The following RPAP1 variants were observed in gnomAD, a reference collection of about 807,000 sequenced individuals.
RPAP1 encodes RNA polymerase II-associated protein 1.
RPAP1 carries 109 observed loss-of-function variants against 142.4 expected under a neutral mutation model. That is an observed-to-expected ratio of 0.77 (90% confidence interval 0.66 to 0.90). The LOEUF is 0.90. RPAP1 is among the 40% of genes least tolerant of loss of function. The pLI, the probability that RPAP1 is intolerant of heterozygous loss-of-function variation, is 0.00. For synonymous variants in RPAP1, 704 were observed against 738.9 expected, an observed-to-expected ratio of 0.95 and a Z score of 0.77; for missense variants, 1,546 against 1,751.7, an observed-to-expected ratio of 0.88 and a Z score of 2.10.
At chr15:41,528,101 C>T (rs908933558) in intron 10 of RPAP1, 74 bp from the exon 11 acceptor site, 2 of 1,559,700 alleles carry the variant, frequency 1.3e-6, no homozygotes, top group African/African-American at 2.7e-5. Context: ...CCTTCGTTTG[C>T]CCCCCTATGA....
intron 8 of RPAP1, 142 bp from the exon 9 acceptor site, chr15:41,529,710 GC>G: frequency 1.2e-6 from 1 of 837,300 alleles, no homozygotes. Context: ...GGCCTTGGGG[GC>G]CAGGCAGAGT....
At chr15:41,523,626 A>G in intron 17 of RPAP1, 145 bp downstream of exon 17, 1 of 811,890 alleles carries the variant, frequency 1.2e-6, no homozygotes, top group East Asian at 2.7e-5. Context: ...GGAGGTAGAA[A>G]GAGGAGGAAG....
chr15:41,528,413 GA>G (rs2051817121), intron 9 of RPAP1, 77 bp from the exon 10 acceptor site: 1 of 988,258 alleles, frequency 1.0e-6, no homozygotes, highest in Non-Finnish European at 1.6e-6. Flanking sequence ...GGTATCACAG[GA>G]AAGACAAAGA....
In RPAP1 at chr15:41,518,043, A is replaced by C; in HGVS notation, c.3935T>G (p.Val1312Gly). ...PVLYAVAVAH[V>G]NSFIFSQDPQ... ...GTCCTGAGAGAAGATGAAGCTATTG[A>C]CATGAGCCACAGCCACAGCATAGAG... The change falls in exon 23 of 25, where the codon GTC (valine) becomes GGC (glycine). Residue 1312 changes from valine to glycine, a missense_variant. Around this residue, in one of 3 missense-constraint regions of RPAP1, gnomAD observed 210 missense variants for 248.0 expected, o/e 0.85. Coordinates refer to ENST00000304330, the MANE Select transcript of RPAP1 (RefSeq NM_015540.4). 1 of 1,614,054 alleles carries C rather than the reference A, an allele frequency of 6.2e-7. No homozygotes were observed. Among genetic ancestry groups the C allele is most frequent in the Non-Finnish European group, 8.5e-7 (1 of 1,179,980 alleles).
At position 41,524,383 on chromosome 15, in the gene RPAP1, G is replaced by A. The variant is rs2051766923; in HGVS notation, c.2076-129C>T. 3 of 709,930 alleles carry A rather than the reference G, an allele frequency of 4.2e-6. No homozygotes were observed. In the African/African-American group the frequency reaches 5.3e-5, roughly 13 times the overall value. The allele number at this position is 709,930 out of a possible 1,614,324, so 44.0% of individuals were successfully genotyped here. ...TGAGGAGGAAGAGTGGGGCACTCTT[G>A]GAAGGCTCAGCCCTAAAGAATGGAA... On this transcript the variant is annotated intron_variant, in intron 15 of 24. Coordinates refer to ENST00000304330, the MANE Select transcript of RPAP1 (RefSeq NM_015540.4).
Position 41,521,682 on chromosome 15 carries a change from A to G in RPAP1, c.3038+56T>C, listed in dbSNP as rs190227921. 30 of 1,590,050 alleles carry G rather than the reference A, an allele frequency of 1.9e-5. No individual in the cohort carries two copies. The Admixed American group carries it at 5.3e-4, about 28-fold the overall frequency. ...GCTCCAAATTCAGGGCTGCTCTGTTAACAACTGCAGCAGCGTCCAAAAGGG... is the reference window on the plus strand; with the variant it reads ...GCTCCAAATTCAGGGCTGCTCTGTTGACAACTGCAGCAGCGTCCAAAAGGG... On this transcript the variant is annotated intron_variant, in intron 21 of 24. Transcript: ENST00000304330.
Position 41,536,334 on chromosome 15 carries a change from C to T in RPAP1, c.331-116G>A. On this transcript the variant is annotated intron_variant, in intron 3 of 24. Coordinates refer to ENST00000304330, the MANE Select transcript of RPAP1 (RefSeq NM_015540.4). Reference sequence around the variant, plus strand: ...AACCTCACTCTGGGGGGTTACGGACCCTCCTCCCTTCAGGGCAGTGATTCT... The same window carrying T: ...AACCTCACTCTGGGGGGTTACGGACTCTCCTCCCTTCAGGGCAGTGATTCT... 3 of 1,308,070 alleles carry T rather than the reference C, an allele frequency of 2.3e-6. 1 individual carries two copies. In the South Asian group the frequency reaches 3.9e-5, roughly 17 times the overall value. 81.0% of individuals were successfully genotyped at this position (1,308,070 alleles called of 1,614,324 possible). A position where few individuals can be genotyped will look rare whatever the true frequency, so the allele number is the denominator to read the frequency against.
chr15:41,534,639 C>T, intron 6 of RPAP1, 75 bp downstream of exon 6: 3 of 627,854 alleles, frequency 4.8e-6, no homozygotes, highest in Middle Eastern at 9.2e-4. Context: ...GTGCCCGGAA[C>T]TCACAGTAAG....
intron 2 of RPAP1, 34 bp from the exon 3 acceptor site, chr15:41,536,683 G>A: frequency 6.2e-7 from 1 of 1,606,330 alleles, no homozygotes; most frequent in Non-Finnish European, 8.5e-7. Context: ...GTGAGTATAT[G>A]CACACCTTCC....
intron 9 of RPAP1, 59 bp downstream of exon 9, chr15:41,529,411 A>T (rs2051825778): frequency 8.8e-7 from 1 of 1,131,608 alleles, no homozygotes; most frequent in Non-Finnish European, 1.3e-6. Context: ...TTGACCAGAG[A>T]TCCTTTTCCA....
At chr15:41,529,436 G>C (rs760298358) in intron 9 of RPAP1, 34 bp downstream of exon 9, 55 of 1,425,068 alleles carry the variant, frequency 3.9e-5, no homozygotes, top group South Asian at 7.1e-5. Context: ...GTTGTTAAAA[G>C]AGCTGCCCCA....
At position 41,529,883 on chromosome 15, in the gene RPAP1, C is replaced by T. The variant is rs760094001; in HGVS notation, c.1040G>A (p.Arg347Gln). Residue 347 changes from arginine (R) to glutamine (Q), a missense_variant, in exon 8 of 25, where the codon CGG becomes CAG. By Grantham distance (43) the Arg-to-Gln change is conservative. This residue lies in a region of RPAP1 where 1,333 missense variants were observed against 1,486.6 expected (regional missense o/e 0.90). Coordinates refer to ENST00000304330, the MANE Select transcript of RPAP1 (RefSeq NM_015540.4). Reference sequence around the variant, plus strand: ...CCTCACCTCCTGTGTCTGCTGCCGCCGGACAGGGGGCAAGTCCTGGGTCCA... The same window carrying T: ...CCTCACCTCCTGTGTCTGCTGCCGCTGGACAGGGGGCAAGTCCTGGGTCCA... ...LHWTQDLPPV[R>Q]RQQTQERMQA... 30 of 1,610,102 alleles carry T rather than the reference C, an allele frequency of 1.9e-5. No individual in the cohort carries two copies. The African/African-American group carries it at 2.7e-4, about 14-fold the overall frequency.
chr15:41,534,905 C>G lies in RPAP1; in HGVS notation c.572G>C (p.Arg191Thr). The G allele has an allele frequency of 6.2e-7, 1 of 1,614,110 alleles. No homozygotes were observed. Among genetic ancestry groups the G allele is most frequent in the Non-Finnish European group, 8.5e-7 (1 of 1,179,984 alleles). ...CCCAGGAAGCTGGCAGCCCTGGTTC[C>G]TAGGAGTGGGTGTCTCACAGGTCAC... The part of the protein sequence containing the change: ...GAVTCETPTP[R>T]NQGCQLPGSS... Residue 191 changes from arginine (R) to threonine (T), a missense_variant, in exon 6 of 25, where the codon AGG (arginine) becomes ACG (threonine). Coordinates refer to ENST00000304330, the MANE Select transcript of RPAP1 (RefSeq NM_015540.4).
At chr15:41,543,470 C>T (rs1057254569) in intron 1 of RPAP1, among the ~76,000 whole-genome samples, 9 of 152,070 alleles carry the variant, frequency 5.9e-5, no homozygotes, top group African/African-American at 1.7e-4. Flanking sequence ...GCCTCGGCCT[C>T]CCAAAGTGCT....
chr15:41,521,687 C>T, intron 21 of RPAP1, 51 bp downstream of exon 21: 1 of 1,602,270 alleles, frequency 6.2e-7, no homozygotes. Flanking sequence ...CTGTTAACAA[C>T]TGCAGCAGCG....
chr15:41,537,977 C>T (rs1595489466), intron 1 of RPAP1, among the ~76,000 whole-genome samples: 1 of 152,038 alleles, frequency 6.6e-6, no homozygotes, highest in Non-Finnish European at 1.5e-5. Context: ...GATGCGGTGG[C>T]TCACGCCTGT....
chr15:41,528,223 C>G lies in RPAP1; in HGVS notation c.1260+12G>C. Reference sequence around the variant, plus strand: ...GGAAGGGTGGGCAGGACCAGGCTGGCAATCCACTCACCCTGCTGATGACCT... The same window carrying G: ...GGAAGGGTGGGCAGGACCAGGCTGGGAATCCACTCACCCTGCTGATGACCT... On this transcript the variant is annotated intron_variant, in intron 10 of 24. Transcript: ENST00000304330. 1 of 1,595,010 alleles carries G rather than the reference C, an allele frequency of 6.3e-7. No individual in the cohort carries two copies.
intron 1 of RPAP1, among the ~76,000 whole-genome samples, chr15:41,538,099 C>T (rs1442476144): frequency 4.0e-5 from 6 of 151,820 alleles, no homozygotes; most frequent in African/African-American, 7.2e-5. Flanking sequence ...AAAAACTAGC[C>T]GGGCGTGGTG....
At chr15:41,541,471 C>T (rs1052136269) in intron 1 of RPAP1, among the ~76,000 whole-genome samples, 1 of 143,656 alleles carries the variant, frequency 7.0e-6, no homozygotes, top group Admixed American at 7.1e-5. Context: ...CATGGGAGAA[C>T]ATGATGAAGT....
Sources: gnomAD v4.1 joint callset for allele counts (sites outside exome capture counted in the v4.1 genomes callset) on GRCh38, gnomAD v4.1.1 for gene constraint, gnomAD v4.1.1 regional missense constraint, MANE v1.5 for transcripts, NCBI Gene and HGNC (gene_info 2026-07-23, HGNC 2026-07-21) for gene names.